The following RAP1GDS1 variants were observed in gnomAD, a reference collection of about 807,000 sequenced individuals.
RAP1GDS1 encodes the protein Rap1 GTPase-GDP dissociation stimulator 1, also known as RAP1, GTP-GDP dissociation stimulator 1.
Under a neutral mutation model 71.1 loss-of-function variants are expected in RAP1GDS1, and 35 were observed. The ratio of observed to expected loss-of-function variants is 0.49; its 90% CI spans 0.38 to 0.65. The LOEUF is 0.65. RAP1GDS1 is among the 30% of genes least tolerant of loss of function. The pLI, the probability that RAP1GDS1 is intolerant of heterozygous loss-of-function variation, is 0.00. For missense variants in RAP1GDS1, 663 were observed against 706.1 expected (o/e 0.94, Z 0.69); for synonymous variants, 229 against 243.1 (o/e 0.94, Z 0.54).
intron 2 of RAP1GDS1, among the ~76,000 whole-genome samples, chr4:98,325,426 A>T (rs1413173352): frequency 1.3e-5 from 2 of 151,728 alleles, no homozygotes; most frequent in Non-Finnish European, 2.9e-5. Context: ...TACTGGGTAT[A>T]TACCCAAATG....
intron 4 of RAP1GDS1, among the ~76,000 whole-genome samples, chr4:98,370,008 A>G (rs1194807377): frequency 6.6e-6 from 1 of 152,216 alleles, no homozygotes; most frequent in Non-Finnish European, 1.5e-5. Context: ...CCTCCAGGTA[A>G]AAGTAATTTC....
chr4:98,409,132 T>C (rs1746617558), intron 7 of RAP1GDS1, among the ~76,000 whole-genome samples: 1 of 152,172 alleles, frequency 6.6e-6, no homozygotes, highest in Non-Finnish European at 1.5e-5. Context: ...TAGATCAGTT[T>C]TATAGATCTT....
At chr4:98,350,699 G>A (rs1455270125) in intron 3 of RAP1GDS1, among the ~76,000 whole-genome samples, 2 of 152,192 alleles carry the variant, frequency 1.3e-5, no homozygotes, top group African/African-American at 2.4e-5. Flanking sequence ...TTAGCTGGCT[G>A]TGGTGGCACT....
At chr4:98,340,012 TAA>T (rs1735269451) in intron 2 of RAP1GDS1, among the ~76,000 whole-genome samples, 1 of 149,396 alleles carries the variant, frequency 6.7e-6, no homozygotes, top group African/African-American at 2.5e-5. Flanking sequence ...TAGCTGTTAT[TAA>T]AAAGTCAAAA....
At chr4:98,427,155 A>G (rs887650850) in intron 12 of RAP1GDS1, among the ~76,000 whole-genome samples, 18 of 152,196 alleles carry the variant, frequency 1.2e-4, no homozygotes, top group African/African-American at 4.3e-4. Flanking sequence ...AAAGCATTCC[A>G]CAAAGTCCAG....
At chr4:98,265,925 T>C (rs1363102869) in intron 1 of RAP1GDS1, among the ~76,000 whole-genome samples, 1 of 152,118 alleles carries the variant, frequency 6.6e-6, no homozygotes, top group Non-Finnish European at 1.5e-5. Context: ...TTAGTAGATA[T>C]GGAGGTCAGT....
chr4:98,370,416 A>G (rs547800621), intron 4 of RAP1GDS1, among the ~76,000 whole-genome samples: 2 of 152,284 alleles, frequency 1.3e-5, no homozygotes, highest in South Asian at 4.1e-4. Context: ...AGGTGAATGT[A>G]TTCATGTTTA....
intron 3 of RAP1GDS1, among the ~76,000 whole-genome samples, chr4:98,348,857 C>G (rs1736716580): frequency 6.6e-6 from 1 of 151,968 alleles, no homozygotes; most frequent in Non-Finnish European, 1.5e-5. Flanking sequence ...TTTGTGGATT[C>G]TGGATATTAG....
At chr4:98,292,837 A>G (rs1727172170) in intron 1 of RAP1GDS1, among the ~76,000 whole-genome samples, 1 of 152,192 alleles carries the variant, frequency 6.6e-6, no homozygotes, top group Admixed American at 6.5e-5. Context: ...AGGAATTCAC[A>G]TATAATTTAG....
intron 14 of RAP1GDS1, among the ~76,000 whole-genome samples, chr4:98,438,587 T>C (rs1349964348): frequency 7.5e-6 from 1 of 133,642 alleles, no homozygotes; most frequent in Non-Finnish European, 1.6e-5. Context: ...TATATATATA[T>C]ATCTTTTTTT....
At chr4:98,434,124 G>A in intron 13 of RAP1GDS1, 62 bp downstream of exon 13, 1 of 1,577,726 alleles carries the variant, frequency 6.3e-7, no homozygotes, top group Non-Finnish European at 8.7e-7. Flanking sequence ...AGGAAGTATA[G>A]AAGTGGAGTT....
At chr4:98,427,627 A>G (rs919457763) in intron 12 of RAP1GDS1, among the ~76,000 whole-genome samples, 4 of 152,192 alleles carry the variant, frequency 2.6e-5, no homozygotes, top group African/African-American at 9.6e-5. Context: ...CAAAAAATAA[A>G]ATAAAATAAA....
chr4:98,423,795 C>T (rs774838201), intron 12 of RAP1GDS1, among the ~76,000 whole-genome samples: 40 of 152,090 alleles, frequency 2.6e-4, no homozygotes, highest in Non-Finnish European at 2.2e-4. Context: ...CCGCCTACCT[C>T]GGCCTCCCAA....
chr4:98,300,384 A>C (rs1728395846), intron 2 of RAP1GDS1, among the ~76,000 whole-genome samples: 1 of 151,850 alleles, frequency 6.6e-6, no homozygotes, highest in Non-Finnish European at 1.5e-5. Context: ...AGTAGACTAC[A>C]GTATAGTGTA....
intron 2 of RAP1GDS1, among the ~76,000 whole-genome samples, chr4:98,326,712 T>C (rs1274893128): frequency 2.0e-5 from 3 of 152,184 alleles, no homozygotes; most frequent in South Asian, 2.1e-4. Flanking sequence ...GGGGAAGTTA[T>C]AAGATTAGAG....
At chr4:98,296,911 T>A (rs1001602694) in intron 2 of RAP1GDS1, 2 of 394,640 alleles carry the variant, frequency 5.1e-6, no homozygotes, top group African/African-American at 4.4e-5. Flanking sequence ...TTTTATTCCA[T>A]TTTGAGGATG....
At chr4:98,428,490 C>CA (rs1749938539) in intron 12 of RAP1GDS1, among the ~76,000 whole-genome samples, 1 of 151,986 alleles carries the variant, frequency 6.6e-6, no homozygotes, top group Non-Finnish European at 1.5e-5. Flanking sequence ...ACAATAAACT[C>CA]AAACAAACTA....
chr4:98,390,948 T>A (rs1743533023), intron 5 of RAP1GDS1, among the ~76,000 whole-genome samples: 2 of 152,000 alleles, frequency 1.3e-5, no homozygotes, highest in South Asian at 4.1e-4. Flanking sequence ...TTAAAAGAAT[T>A]TGGGGAAAAT....
In RAP1GDS1 at chr4:98,343,273, C is replaced by G; in HGVS notation, c.235+12C>G. The stretch of plus-strand genomic sequence containing the variant: ...AGTAGCCAAAAATGGTGAGGTTTAC[C>G]TCAAGAACTTTTCTGCTGGGAACGT... On this transcript the variant is annotated intron_variant, in intron 3 of 14. Coordinates refer to ENST00000408927, the MANE Select transcript of RAP1GDS1 (RefSeq NM_001100427.2). The G allele has an allele frequency of 6.3e-7, 1 of 1,590,052 alleles. No homozygotes were observed. Among genetic ancestry groups the G allele is most frequent in the Non-Finnish European group, 8.6e-7 (1 of 1,158,438 alleles).
Sources: gnomAD v4.1 joint callset for allele counts (sites outside exome capture counted in the v4.1 genomes callset) on GRCh38, gnomAD v4.1.1 for gene constraint, MANE v1.5 for transcripts, NCBI Gene and HGNC (gene_info 2026-07-23, HGNC 2026-07-21) for gene names.